Variants in NEK10 observed in about 807,000 individuals in gnomAD.
The protein encoded by NEK10 is NIMA related kinase 10, also known as serine/threonine-protein kinase Nek10.
Under a neutral mutation model 159.8 loss-of-function variants are expected in NEK10, and 122 were observed. The ratio of observed to expected loss-of-function variants is 0.76; its 90% CI spans 0.66 to 0.89. The LOEUF (loss-of-function observed/expected upper bound fraction) is 0.89, where lower values mean the gene tolerates loss of function less well. NEK10 is among the 40% of genes least tolerant of loss of function. The pLI, the probability that NEK10 is intolerant of heterozygous loss-of-function variation, is 0.00. For synonymous variants in NEK10, 466 were observed against 457.1 expected (o/e 1.02, Z -0.25); for missense variants, 1,342 against 1,323.1 (o/e 1.01, Z -0.22).
chr3:27,318,505 T>C (rs2045378000), intron 6 of NEK10, among the ~76,000 whole-genome samples: 2 of 152,222 alleles, frequency 1.3e-5, no homozygotes, highest in Admixed American at 6.5e-5. Context: ...GTATTAGAAA[T>C]TAAAAGTGAG....
rs1346092518 is a variant in NEK10 at position 27,307,915 on chromosome 3, G to C, written c.747C>G (p.Leu249=). Residue 249 remains leucine (L), a synonymous_variant, in exon 11 of 36, where the codon CTC becomes CTG. Coordinates refer to ENST00000691995, the MANE Select transcript of NEK10 (RefSeq NM_001394966.1). ...TCATCAACAGATTTTCTACAATGTTGAGTTCACTTATCTTCTCCCTACATT... is the reference window on the plus strand; with the variant it reads ...TCATCAACAGATTTTCTACAATGTTCAGTTCACTTATCTTCTCCCTACATT... The part of the protein sequence containing the change: ...SQECREKISE[L]NIVENLLMIL... The C allele has an allele frequency of 1.3e-6, 2 of 1,549,800 alleles. No homozygotes were observed. The highest frequency in any genetic ancestry group is 8.9e-7 in the Non-Finnish European group (1 of 1,122,570).
rs758416963 is a variant in NEK10, at chr3:27,284,918, C to T, written c.1833G>A (p.Pro611=). The T allele has an allele frequency of 2.9e-5, 47 of 1,603,846 alleles. 1 individual carries two copies. Among genetic ancestry groups the T allele is most frequent in the Middle Eastern group, 1.7e-4 (1 of 6,060 alleles). The change falls in exon 21 of 36, where the codon CCG becomes CCA. Residue 611 remains proline, a synonymous_variant. Transcript: ENST00000691995. ...TCAAAGAACTGAAATGCTCTCCAAG[C>T]GGGGCTCCTTCTATCAGCTCCATAA... is the stretch of plus-strand genomic sequence containing the variant. ...YIVMELIEGA[P]LGEHFSSLKE... is the part of the protein sequence containing the mutation.
At chr3:27,244,647 C>T (rs915551879) in intron 23 of NEK10, among the ~76,000 whole-genome samples, 1 of 152,142 alleles carries the variant, frequency 6.6e-6, no homozygotes, top group African/African-American at 2.4e-5. Flanking sequence ...GCAGCCTCAG[C>T]CTGGTGATCA....
intron 14 of NEK10, 38 bp from the exon 15 acceptor site, chr3:27,295,728 CTG>C (rs1253602795): frequency 6.6e-7 from 1 of 1,519,886 alleles, no homozygotes; most frequent in Non-Finnish European, 8.8e-7. Flanking sequence ...AGTGACAACA[CTG>C]TAGTGATACA....
At chr3:27,340,596 A>G (rs984714603) in intron 5 of NEK10, among the ~76,000 whole-genome samples, 2 of 152,254 alleles carry the variant, frequency 1.3e-5, no homozygotes, top group Admixed American at 1.3e-4. Context: ...GCCAACAAGT[A>G]TATGAAAAAA....
At chr3:27,215,510 C>T (rs969486306) in intron 23 of NEK10, 6 of 441,298 alleles carry the variant, frequency 1.4e-5, no homozygotes, top group Admixed American at 4.0e-5. Flanking sequence ...AAATATAAGG[C>T]ATAGAATATC....
chr3:27,155,999 C>A (rs1007215232), intron 30 of NEK10, among the ~76,000 whole-genome samples: 11 of 152,092 alleles, frequency 7.2e-5, no homozygotes, highest in African/African-American at 2.2e-4. Flanking sequence ...TACTTACCAA[C>A]CAATCTTCAA....
At chr3:27,207,787 T>C (rs1950649910) in intron 23 of NEK10, among the ~76,000 whole-genome samples, 1 of 152,104 alleles carries the variant, frequency 6.6e-6, no homozygotes, top group South Asian at 2.1e-4. Flanking sequence ...TCACTGTTAC[T>C]GAAAAAAGAA....
chr3:27,301,674 TC>T, intron 13 of NEK10, 21 bp downstream of exon 13: 1 of 1,480,334 alleles, frequency 6.8e-7, no homozygotes, highest in Non-Finnish European at 9.3e-7. Context: ...TTATAGCATA[TC>T]AAATAATAAA....
At chr3:27,366,536 C>CGGAAG (rs1445559865) in intron 1 of NEK10, among the ~76,000 whole-genome samples, 2 of 152,158 alleles carry the variant, frequency 1.3e-5, no homozygotes, top group Non-Finnish European at 2.9e-5. Context: ...GCCCTTCTTC[C>CGGAAG]ACCTCCTGAA....
In NEK10 at chr3:27,166,469, A is replaced by G. The variant is rs561260872; in HGVS notation, c.2832-3731T>C. Among the ~76,000 whole-genome samples, 231 of 152,340 alleles carry G rather than the reference A, an allele frequency of 1.5e-3. 1 individual carries two copies. Among genetic ancestry groups the G allele is most frequent in the African/African-American group, 5.3e-3 (221 of 41,572 alleles). The stretch of plus-strand genomic sequence containing the variant: ...AGGTTGATTCTAGCAAGGAGTAATC[A>G]TGCAGTATTTATTCAACCAAAGTAA... On this transcript the variant is annotated intron_variant, in intron 29 of 35. Transcript: ENST00000691995.
At chr3:27,244,692 C>G (rs1435087844) in intron 23 of NEK10, among the ~76,000 whole-genome samples, 2 of 152,138 alleles carry the variant, frequency 1.3e-5, no homozygotes, top group African/African-American at 4.8e-5. Flanking sequence ...GAAACCAGAG[C>G]CCCTGTGTAG....
In NEK10 at chr3:27,215,680, G is replaced by A. The variant is rs1378553387; in HGVS notation, c.2091-13123C>T. The A allele has an allele frequency of 2.7e-5, 17 of 637,998 alleles. No homozygotes were observed. In the East Asian group the frequency reaches 4.5e-4, roughly 17 times the overall value. 39.5% of individuals were successfully genotyped at this position (637,998 alleles called of 1,614,324 possible). A position where few individuals can be genotyped will look rare whatever the true frequency, so the allele number is the denominator to read the frequency against. On this transcript the variant is annotated intron_variant, in intron 23 of 35. Transcript: ENST00000691995. ...GAATCCGTTCTTGCACTACTACAAAGAAATACCTGAGACTAGGTAATTTAG... is the reference window on the plus strand; with the variant it reads ...GAATCCGTTCTTGCACTACTACAAAAAAATACCTGAGACTAGGTAATTTAG...
intron 23 of NEK10, among the ~76,000 whole-genome samples, chr3:27,245,562 T>C (rs1954973410): frequency 6.6e-6 from 1 of 152,210 alleles, no homozygotes; most frequent in Non-Finnish European, 1.5e-5. Flanking sequence ...AATGAAGCCA[T>C]CTTGGACTGC....
At chr3:27,260,061 A>C (rs1384984878) in intron 22 of NEK10, among the ~76,000 whole-genome samples, 1 of 152,186 alleles carries the variant, frequency 6.6e-6, no homozygotes, top group African/African-American at 2.4e-5. Context: ...ATTTTTGTAC[A>C]TTAATTTTGT....
intron 3 of NEK10, among the ~76,000 whole-genome samples, chr3:27,347,596 A>G (rs536942969): frequency 5.3e-5 from 8 of 151,100 alleles, no homozygotes; most frequent in African/African-American, 1.9e-4. Flanking sequence ...AGAAAAATGG[A>G]TTATAATAAA....
At chr3:27,195,908 A>C (rs533793453) in intron 25 of NEK10, among the ~76,000 whole-genome samples, 1 of 152,184 alleles carries the variant, frequency 6.6e-6, no homozygotes, top group African/African-American at 2.4e-5. Flanking sequence ...TAGAGTGCCT[A>C]CCACTTGCTG....
chr3:27,305,656 G>C (rs747936407), intron 11 of NEK10, among the ~76,000 whole-genome samples: 104 of 151,024 alleles, frequency 6.9e-4, no homozygotes, highest in Non-Finnish European at 6.2e-4. Flanking sequence ...CCTTATTCTA[G>C]TCTTCAGAAA....
chr3:27,227,225 A>G (rs1952729609), intron 23 of NEK10, among the ~76,000 whole-genome samples: 1 of 152,198 alleles, frequency 6.6e-6, no homozygotes, highest in Non-Finnish European at 1.5e-5. Flanking sequence ...GAATTGCTGG[A>G]GTGATGCCCT....
Sources: gnomAD v4.1 joint callset for allele counts (sites outside exome capture counted in the v4.1 genomes callset) on GRCh38, gnomAD v4.1.1 for gene constraint, MANE v1.5 for transcripts, NCBI Gene and HGNC (gene_info 2026-07-23, HGNC 2026-07-21) for gene names.